Variants in MPDZ observed in about 807,000 individuals in gnomAD.
MPDZ encodes multiple PDZ domain protein.
Under a neutral mutation model 239.1 loss-of-function variants are expected in MPDZ, and 234 were observed. The ratio of observed to expected loss-of-function variants is 0.98; its 90% CI spans 0.88 to 1.09. The LOEUF (loss-of-function observed/expected upper bound fraction) is 1.09, where lower values mean the gene tolerates loss of function less well. Ranked by LOEUF, MPDZ falls within the 50% of genes least tolerant of loss-of-function variation. The pLI, the probability that MPDZ is intolerant of heterozygous loss-of-function variation, is 0.00. For synonymous variants in MPDZ, 1,048 were observed against 881.3 expected, an observed-to-expected ratio of 1.19 and a Z score of -3.35; for missense variants, 3,175 against 2,510.0, an observed-to-expected ratio of 1.26 and a Z score of -5.66.
At chr9:13,177,592 T>C (rs1587544603) in intron 19 of MPDZ, among the ~76,000 whole-genome samples, 1 of 152,324 alleles carries the variant, frequency 6.6e-6, no homozygotes, top group East Asian at 1.9e-4. Context: ...AATTTCCATG[T>C]CAGTTTAAAA....
At chr9:13,259,355 A>C (rs1298380500) in intron 1 of MPDZ, among the ~76,000 whole-genome samples, 1 of 152,062 alleles carries the variant, frequency 6.6e-6, no homozygotes, top group Non-Finnish European at 1.5e-5. Flanking sequence ...AGAAAAGAAA[A>C]GAAAATGCAG....
At chr9:13,212,753 T>C (rs1263430752) in intron 10 of MPDZ, among the ~76,000 whole-genome samples, 2 of 143,532 alleles carry the variant, frequency 1.4e-5, no homozygotes, top group Non-Finnish European at 3.0e-5. Flanking sequence ...CGAGAGGATC[T>C]GTCAAGCCCA....
At chr9:13,219,802 AT>A in intron 7 of MPDZ, 34 bp from the exon 8 acceptor site, 7 of 1,595,116 alleles carry the variant, frequency 4.4e-6, no homozygotes, top group Non-Finnish European at 6.0e-6. Context: ...TTAGACTATT[AT>A]TATTTTAACT....
intron 10 of MPDZ, among the ~76,000 whole-genome samples, chr9:13,215,411 C>A (rs1564051650): frequency 1.3e-5 from 2 of 149,912 alleles, no homozygotes; most frequent in Non-Finnish European, 3.0e-5. Context: ...TATATGTCAA[C>A]ATATATATCA....
chr9:13,226,067 G>A (rs1447213639), intron 3 of MPDZ, among the ~76,000 whole-genome samples: 4 of 151,972 alleles, frequency 2.6e-5, no homozygotes, highest in African/African-American at 9.7e-5. Context: ...ATAAGTGAGG[G>A]TGGTTTTGTG....
Position 13,105,793 on chromosome 9 carries a change from C to G in MPDZ, c.*1172G>C, listed in dbSNP as rs1332300894. The G allele has an allele frequency of 1.3e-5, 2 of 152,170 alleles. No individual in the cohort carries two copies. Among genetic ancestry groups the G allele is most frequent in the Middle Eastern group, 3.2e-3 (1 of 316 alleles). The allele number at this position is 152,170 out of a possible 1,614,324, so 9.4% of individuals were successfully genotyped here. On this transcript the variant is annotated 3_prime_UTR_variant, in exon 47 of 47. Transcript: ENST00000319217. ...GTAATAAAATATCTGTACACTACTTCTGTTACAAATATAGATATTTAAAGT... is the reference window on the plus strand; with the variant it reads ...GTAATAAAATATCTGTACACTACTTGTGTTACAAATATAGATATTTAAAGT...
At chr9:13,211,997 T>A (rs988719842) in intron 10 of MPDZ, among the ~76,000 whole-genome samples, 1 of 151,914 alleles carries the variant, frequency 6.6e-6, no homozygotes, top group African/African-American at 2.4e-5. Context: ...AGGAAAAAAA[T>A]GGCAAAAATC....
chr9:13,122,238 T>C (rs1231373491), intron 36 of MPDZ, 68 bp from the exon 37 acceptor site: 2 of 1,362,124 alleles, frequency 1.5e-6, no homozygotes, highest in Non-Finnish European at 2.1e-6. Flanking sequence ...AGAAATGGAG[T>C]CCAAACACAT....
At chr9:13,196,360 T>C in intron 12 of MPDZ, 130 bp from the exon 13 acceptor site, 1 of 508,756 alleles carries the variant, frequency 2.0e-6, no homozygotes, top group Non-Finnish European at 3.5e-6. Context: ...ATATGGGCTA[T>C]TCTCATCTCC....
chr9:13,218,763 C>A (rs1190712720), intron 8 of MPDZ, among the ~76,000 whole-genome samples: 1 of 151,860 alleles, frequency 6.6e-6, no homozygotes, highest in Non-Finnish European at 1.5e-5. Flanking sequence ...TAAGGCTTAT[C>A]TAGAAACTGG....
At chr9:13,146,072 G>A (rs1468587084) in intron 26 of MPDZ, among the ~76,000 whole-genome samples, 1 of 152,008 alleles carries the variant, frequency 6.6e-6, no homozygotes, top group African/African-American at 2.4e-5. Context: ...AAATGGAATA[G>A]CTTTGTAAAG....
At chr9:13,119,267 T>C (rs915600550) in intron 39 of MPDZ, among the ~76,000 whole-genome samples, 12 of 152,106 alleles carry the variant, frequency 7.9e-5, no homozygotes, top group Non-Finnish European at 1.8e-4. Context: ...TATTTTTTTG[T>C]AGAGATGGGA....
intron 15 of MPDZ, 37 bp from the exon 16 acceptor site, chr9:13,190,336 T>G (rs759439084): frequency 1.4e-6 from 2 of 1,461,500 alleles, no homozygotes; most frequent in African/African-American, 2.8e-5. Flanking sequence ...TCAGAGGCAT[T>G]GCATTAGCTG....
At chr9:13,129,885 T>C (rs371572229) in intron 32 of MPDZ, among the ~76,000 whole-genome samples, 1 of 152,166 alleles carries the variant, frequency 6.6e-6, no homozygotes, top group East Asian at 1.9e-4. Flanking sequence ...ACGAGTTGTA[T>C]AATTAAACAG....
intron 23 of MPDZ, among the ~76,000 whole-genome samples, chr9:13,161,707 C>T (rs931702203): frequency 1.3e-5 from 2 of 152,218 alleles, no homozygotes; most frequent in Middle Eastern, 3.4e-3. Flanking sequence ...AGGCCCACAA[C>T]TGAGAGTGTA....
intron 32 of MPDZ, among the ~76,000 whole-genome samples, chr9:13,130,753 G>A (rs1945865748): frequency 6.6e-6 from 1 of 152,204 alleles, no homozygotes; most frequent in Admixed American, 6.5e-5. Flanking sequence ...AAGACCAAGT[G>A]ATATAAACCA....
intron 32 of MPDZ, 31 bp from the exon 33 acceptor site, chr9:13,126,803 G>T: frequency 6.4e-7 from 1 of 1,562,902 alleles, no homozygotes; most frequent in Non-Finnish European, 8.8e-7. Context: ...ATGCTCAGAA[G>T]ACTTGAAACA....
chr9:13,247,219 AC>A (rs1307113766), intron 3 of MPDZ, among the ~76,000 whole-genome samples: 1 of 152,138 alleles, frequency 6.6e-6, no homozygotes, highest in East Asian at 1.9e-4. Flanking sequence ...TTCCTCATAC[AC>A]ATGATTACAC....
chr9:13,229,567 A>T (rs1353234944), intron 3 of MPDZ, among the ~76,000 whole-genome samples: 1 of 150,200 alleles, frequency 6.7e-6, no homozygotes, highest in Non-Finnish European at 1.5e-5. Flanking sequence ...TTCATGCCAC[A>T]CACCACACTT....
Sources: allele counts gnomAD v4.1 joint callset (sites outside exome capture counted in the v4.1 genomes callset), GRCh38; gene constraint gnomAD v4.1.1; transcripts MANE v1.5; gene names NCBI Gene and HGNC (gene_info 2026-07-23, HGNC 2026-07-21).